VWF: variants seen among roughly 807,000 people sequenced by gnomAD.
VWF encodes von Willebrand factor, also known as Factor VIII related antigen.
A neutral mutation model predicts 308.6 loss-of-function variants in VWF; 176 were observed. That is an observed-to-expected ratio of 0.57 (90% CI 0.50 to 0.65). The LOEUF is 0.65. VWF is among the 30% of genes least tolerant of loss of function. The probability of loss-of-function intolerance (pLI) is 0.00; values close to 1 mark genes in which losing one functional copy is unlikely to be tolerated. For missense variants in VWF, 3,146 were observed against 3,648.2 expected (o/e 0.86, Z 3.55); for synonymous variants, 1,385 against 1,443.4 (o/e 0.96, Z 0.92).
At chr12:6,071,187 A>T in intron 10 of VWF, 110 bp downstream of exon 10, 1 of 1,325,834 alleles carries the variant, frequency 7.5e-7, no homozygotes, top group Non-Finnish European at 1.1e-6. Context: ...CTGTGCAGAG[A>T]GGGCAACTTC....
chr12:6,108,800 T>C (rs1945272137), intron 5 of VWF, among the ~76,000 whole-genome samples: 1 of 151,848 alleles, frequency 6.6e-6, no homozygotes, highest in Non-Finnish European at 1.5e-5. Context: ...GCTAACACAG[T>C]GAAACCCTGT....
chr12:6,016,096 C>A lies in VWF; in HGVS notation c.5448G>T (p.Arg1816Ser). 1 of 1,614,136 alleles carries A rather than the reference C, an allele frequency of 6.2e-7. No individual in the cohort carries two copies. Among genetic ancestry groups the A allele is most frequent in the Non-Finnish European group, 8.5e-7 (1 of 1,180,004 alleles). Reference protein sequence around the residue: ...DSVDAAADAARSNRVTVFPIG... With the variant: ...DSVDAAADAASSNRVTVFPIG... ...TGTACACCAGATTCTTACTGTTGGA[C>A]CTGGCGGCATCAGCTGCTGCATCCA... Residue 1816 changes from arginine (R) to serine (S), a missense_variant, in exon 31 of 52, where the codon AGG becomes AGT. Transcript: ENST00000261405.
intron 48 of VWF, among the ~76,000 whole-genome samples, chr12:5,953,098 G>A (rs370123685): frequency 4.6e-5 from 7 of 152,186 alleles, no homozygotes; most frequent in East Asian, 1.9e-4. Flanking sequence ...GTGGTGGCAC[G>A]TGCCTGCAGT....
chr12:6,032,776 ACACT>A (rs1438780722), intron 20 of VWF, among the ~76,000 whole-genome samples: 1 of 152,086 alleles, frequency 6.6e-6, no homozygotes, highest in African/African-American at 2.4e-5. Context: ...GCACATGCAT[ACACT>A]CAAACACACA....
At position 6,110,284 on chromosome 12, in the gene VWF, G is replaced by A; in HGVS notation, c.532+90C>T. The A allele has an allele frequency of 3.8e-5, 52 of 1,374,776 alleles. No individual in the cohort carries two copies. In the South Asian group the frequency reaches 5.2e-4, roughly 14 times the overall value. The allele number at this position is 1,374,776 out of a possible 1,614,324, so 85.2% of individuals were successfully genotyped here. A position where few individuals can be genotyped will look rare whatever the true frequency, so the allele number is the denominator to read the frequency against. On this transcript the variant is annotated intron_variant, in intron 5 of 51. Coordinates refer to ENST00000261405, the MANE Select transcript of VWF (RefSeq NM_000552.5). ...GGTGAGGTCACAGTGAGGCTTGAAT[G>A]CCAGGGAAGGCATGTTAGTGAAGGT...
At chr12:6,092,614 T>TGAGAGTGAGAGTGAGAGAGAGA (rs1945053302) in intron 6 of VWF, among the ~76,000 whole-genome samples, 7 of 86,088 alleles carry the variant, frequency 8.1e-5, no homozygotes, top group South Asian at 7.7e-4. Flanking sequence ...AGTGAGTGAG[T>TGAGAGTGAGAGTGAGAGAGAGA]GAGAGTGTGT....
intron 3 of VWF, among the ~76,000 whole-genome samples, chr12:6,112,409 C>A (rs1005817114): frequency 6.6e-6 from 1 of 151,924 alleles, no homozygotes; most frequent in African/African-American, 2.4e-5. Context: ...ATCAAAAGAC[C>A]CAGAAGGGAA....
intron 44 of VWF, among the ~76,000 whole-genome samples, chr12:5,971,099 T>A (rs1392512891): frequency 1.3e-5 from 2 of 152,128 alleles, no homozygotes; most frequent in Admixed American, 1.3e-4. Flanking sequence ...GCTGGCAAGA[T>A]GCCCCAGCCA....
intron 38 of VWF, among the ~76,000 whole-genome samples, chr12:5,989,877 T>C (rs1943718808): frequency 1.3e-5 from 2 of 152,214 alleles, no homozygotes; most frequent in South Asian, 4.1e-4. Context: ...ATTTTGCCAC[T>C]ACTAGTAAAA....
In VWF at chr12:5,967,574, C is replaced by A. The variant is rs774367706; in HGVS notation, c.7799G>T (p.Cys2600Phe). 6.8e-6 allele frequency: 11 copies of A among 1,614,026 alleles called. No individual in the cohort carries two copies. The highest frequency in any genetic ancestry group is 7.6e-6 in the Non-Finnish European group (9 of 1,180,026). The change falls in exon 47 of 52, where the codon TGC (cysteine) becomes TTC (phenylalanine). Residue 2600 changes from cysteine (C) to phenylalanine (F), a missense_variant. By Grantham distance (205) the Cys-to-Phe change is radical. Transcript: ENST00000261405. Reference protein sequence around the residue: ...GPGKTVMIDVCTTCRCMVQVG... With the variant: ...GPGKTVMIDVFTTCRCMVQVG... ...CTGCACCATGCAGCGGCAGGTCGTG[C>A]ACACATCGATCATCACAGTCTTCCC... is the stretch of plus-strand genomic sequence containing the variant.
In VWF at chr12:6,075,392, G is replaced by A. The variant is rs61753997; in HGVS notation, c.817C>T (p.Arg273Trp). Residue 273 changes from arginine to tryptophan, a missense_variant, in exon 7 of 52, where the codon CGG becomes TGG. Around this residue, in one of 3 missense-constraint regions of VWF, gnomAD observed 1,304 missense variants for 1,353.0 expected, o/e 0.96. Coordinates refer to ENST00000261405, the MANE Select transcript of VWF (RefSeq NM_000552.5). The surrounding 1 kb of genome is among the most constrained non-coding windows in gnomAD (Gnocchi z 4.7). The stretch of plus-strand genomic sequence containing the variant: ...ACCATTCCCTCCTGGGCACAGGTCC[G>A]GGCGTACTCCAGGAGGGCAGGGCAG... ...CACPALLEYA[R>W]TCAQEGMVLY... The A allele has an allele frequency of 3.8e-5, 61 of 1,614,082 alleles. No homozygotes were observed. The highest frequency in any genetic ancestry group is 4.7e-5 in the Non-Finnish European group (56 of 1,180,014).
chr12:5,964,253 T>TGC (rs1426416406), intron 47 of VWF, among the ~76,000 whole-genome samples: 16 of 131,766 alleles, frequency 1.2e-4, no homozygotes, highest in African/African-American at 4.7e-4. Context: ...CATACATGCA[T>TGC]ACATACATAC....
At chr12:6,047,995 GC>G (rs1158781636) in intron 16 of VWF, among the ~76,000 whole-genome samples, 1 of 152,242 alleles carries the variant, frequency 6.6e-6, no homozygotes, top group African/African-American at 2.4e-5. Flanking sequence ...CACATGATGT[GC>G]CAAGTACTCT....
intron 39 of VWF, 63 bp from the exon 40 acceptor site, chr12:5,985,182 T>G (rs548332366): frequency 1.3e-6 from 2 of 1,543,672 alleles, no homozygotes; most frequent in Admixed American, 1.7e-5. Context: ...TCAGAGGGAT[T>G]TGAAATGTTC....
At chr12:5,951,340 C>A (rs183913223) in intron 50 of VWF, among the ~76,000 whole-genome samples, 236 of 152,278 alleles carry the variant, frequency 1.5e-3, no homozygotes, top group African/African-American at 5.2e-3. Flanking sequence ...CCAGCCCCCA[C>A]AGCACATGTG....
chr12:6,013,305 T>C (rs1344197401), intron 32 of VWF, among the ~76,000 whole-genome samples, 176 bp downstream of exon 32: 1 of 152,222 alleles, frequency 6.6e-6, no homozygotes, highest in African/African-American at 2.4e-5. Flanking sequence ...GGGCTTGTGG[T>C]ATACACCTCC....
rs1944262459 is a variant in VWF at position 6,031,504 on chromosome 12, T to C, written c.2760A>G (p.Lys920=). 7 of 1,614,152 alleles carry C rather than the reference T, an allele frequency of 4.3e-6. No individual in the cohort carries two copies. The East Asian group carries it at 1.6e-4, about 36-fold the overall frequency. The stretch of plus-strand genomic sequence containing the variant: ...CCAGGATGGTGACCCGTTTCTTGCA[T>C]TTCACTGAGGGGTGGCTGCATCCCT... ...GNKGCSHPSV[K]CKKRVTILVE... Residue 920 remains lysine (K), a synonymous_variant, in exon 21 of 52, where the codon AAA becomes AAG. Transcript: ENST00000261405.
intron 40 of VWF, among the ~76,000 whole-genome samples, chr12:5,984,009 TAGATAGATAGACAGAC>T (rs1278964745): frequency 5.4e-4 from 72 of 134,536 alleles, no homozygotes; most frequent in Admixed American, 1.2e-3. Flanking sequence ...GATAGATAGA[TAGATAGATAGACAGAC>T]AGACAGACAG....
intron 47 of VWF, among the ~76,000 whole-genome samples, chr12:5,959,988 AT>A (rs1462203385): frequency 6.7e-6 from 1 of 150,004 alleles, no homozygotes; most frequent in Non-Finnish European, 1.5e-5. Context: ...AATCAATAAA[AT>A]AGAAAAGAAA....
Sources: gnomAD v4.1 joint callset for allele counts (sites outside exome capture counted in the v4.1 genomes callset) on GRCh38, gnomAD v4.1.1 for gene constraint, gnomAD v4.1.1 regional missense constraint, Gnocchi (gnomAD v3.1) non-coding constraint, MANE v1.5 for transcripts, NCBI Gene and HGNC (gene_info 2026-07-23, HGNC 2026-07-21) for gene names.